The following SBF1 variants were observed in gnomAD, a reference collection of about 807,000 sequenced individuals.
SBF1 encodes myotubularin-related protein 5.
SBF1 carries 65 observed loss-of-function variants against 215.8 expected under a neutral mutation model. The ratio of observed to expected loss-of-function variants is 0.30; its 90% CI spans 0.25 to 0.37. The LOEUF (loss-of-function observed/expected upper bound fraction) is 0.37, where lower values mean the gene tolerates loss of function less well. SBF1 is among the 10% of genes least tolerant of loss of function. The probability of loss-of-function intolerance (pLI) is 1.00; values close to 1 mark genes in which losing one functional copy is unlikely to be tolerated. For synonymous variants in SBF1, 1,410 were observed against 1,122.8 expected (o/e 1.26, Z -5.11); for missense variants, 2,634 against 2,667.8 (o/e 0.99, Z 0.28).
intron 36 of SBF1, among the ~76,000 whole-genome samples, chr22:50,452,076 G>C (rs989765186): frequency 5.3e-5 from 8 of 151,200 alleles, no homozygotes; most frequent in Non-Finnish European, 1.5e-5. Context: ...GATGACAGGC[G>C]TGAGCCGCTG....
rs2067755475 is a variant in SBF1 at position 50,466,363 on chromosome 22, G to A, written c.775C>T (p.Pro259Ser). The A allele has an allele frequency of 6.4e-7, 1 of 1,564,822 alleles. No homozygotes were observed. The highest frequency in any genetic ancestry group is 8.7e-7 in the Non-Finnish European group (1 of 1,154,924). Residue 259 changes from proline (P) to serine (S), a missense_variant, in exon 7 of 41, where the codon CCT becomes TCT. Transcript: ENST00000380817. The part of the protein sequence containing the change: ...ACRGLLALLF[P>S]LRYSFTYVPI... ...GGCAGGGGTCACCTGTATCTGAGAGGAAACAGCAGTGCCAGGAGGCCCCTA... is the reference window on the plus strand; with the variant it reads ...GGCAGGGGTCACCTGTATCTGAGAGAAAACAGCAGTGCCAGGAGGCCCCTA...
intron 1 of SBF1, among the ~76,000 whole-genome samples, chr22:50,474,405 G>A (rs965379132): frequency 6.6e-6 from 1 of 152,226 alleles, no homozygotes; most frequent in Non-Finnish European, 1.5e-5. Flanking sequence ...GCCCGCAGCT[G>A]GCCAAGGAGA....
rs2066880734 is a variant in SBF1, at chr22:50,447,512, G to C, written c.5451+10C>G. ...CCCCCGTGAGTCCCCCCCACCACCTGATCACTCACCTGGTGCTTGGTCTTG... is the reference window on the plus strand; with the variant it reads ...CCCCCGTGAGTCCCCCCCACCACCTCATCACTCACCTGGTGCTTGGTCTTG... On this transcript the variant is annotated intron_variant, in intron 39 of 40. Coordinates refer to ENST00000380817, the MANE Select transcript of SBF1 (RefSeq NM_002972.4). 6.2e-7 allele frequency: 1 copy of C among 1,609,472 alleles called. No homozygotes were observed. The highest frequency in any genetic ancestry group is 8.5e-7 in the Non-Finnish European group (1 of 1,177,422).
rs41281541 is a variant in SBF1 at position 50,454,760 on chromosome 22, G to A, written c.4813-18C>T. On this transcript the variant is annotated intron_variant, in intron 35 of 40. Coordinates refer to ENST00000380817, the MANE Select transcript of SBF1 (RefSeq NM_002972.4). Reference sequence around the variant, plus strand: ...CGCAGGACCTGAGGGTGGGCCTGTGGTTGAGGACCTGGGTCGGGCAGGAGC... The same window carrying A: ...CGCAGGACCTGAGGGTGGGCCTGTGATTGAGGACCTGGGTCGGGCAGGAGC... The A allele has an allele frequency of 5.5e-3, 8,806 of 1,592,302 alleles. 33 individuals carry two copies. Among genetic ancestry groups the A allele is most frequent in the Non-Finnish European group, 6.9e-3 (8,101 of 1,171,996 alleles).
In SBF1 at chr22:50,460,641, C is replaced by A; in HGVS notation, c.3039G>T (p.Lys1013Asn). The A allele has an allele frequency of 6.2e-7, 1 of 1,614,094 alleles. No individual in the cohort carries two copies. The highest frequency in any genetic ancestry group is 8.5e-7 in the Non-Finnish European group (1 of 1,180,034). ...CCCTGATGTCCGGCGGGTACCGCAGCTTATGCAGCTGCTTACGGAAGAGCT... is the reference window on the plus strand; with the variant it reads ...CCCTGATGTCCGGCGGGTACCGCAGATTATGCAGCTGCTTACGGAAGAGCT... ...SAELFRKQLH[K>N]LRYPPDIRAT... Residue 1013 changes from lysine (K) to asparagine (N), a missense_variant, in exon 24 of 41, where the codon AAG (lysine) becomes AAT (asparagine). Transcript: ENST00000380817.
At chr22:50,466,556 T>C in intron 6 of SBF1, 49 bp downstream of exon 6, 1 of 1,529,154 alleles carries the variant, frequency 6.5e-7, no homozygotes. Context: ...CATCCCTAAC[T>C]ACCAGTCCCC....
intron 36 of SBF1, among the ~76,000 whole-genome samples, chr22:50,450,137 G>C (rs1286295326): frequency 6.6e-6 from 1 of 152,248 alleles, no homozygotes; most frequent in Non-Finnish European, 1.5e-5. Flanking sequence ...TAGAAATCTA[G>C]ACAGAGCCCT....
rs754619529 is a variant in SBF1, at chr22:50,456,125, C to G, written c.4266+91G>C. 1.7e-4 allele frequency: 231 copies of G among 1,365,494 alleles called. 1 individual carries two copies. Among genetic ancestry groups the G allele is most frequent in the Non-Finnish European group, 2.1e-4 (209 of 1,007,324 alleles). 84.6% of individuals were successfully genotyped at this position (1,365,494 alleles called of 1,614,324 possible). A position where few individuals can be genotyped will look rare whatever the true frequency, so the allele number is the denominator to read the frequency against. ...TCCTCCTTCCAGCGCTCCACACTGT[C>G]AGACAAGCAAACCTAGACCCGTCCA... On this transcript the variant is annotated intron_variant, in intron 31 of 40. Transcript: ENST00000380817.
chr22:50,454,942 GC>G lies in SBF1; in HGVS notation c.4683del (p.Leu1562CysfsTer25). 1 of 1,613,964 alleles carries G rather than the reference GC, an allele frequency of 6.2e-7. No individual in the cohort carries two copies. The highest frequency in any genetic ancestry group is 2.2e-5 in the East Asian group (1 of 44,888). On this transcript the variant is annotated frameshift_variant and splice_region_variant, in exon 35 of 41. Transcript: ENST00000380817. LOFTEE classifies it high-confidence loss of function. ...LDSDYERIEL[G>X]LLYEEKGERR... ...CGTTCCCCCTTCTCCTCATACAGCA[GC>G]CCTGCACAGAAGCAGCACTGAGCCT...
At chr22:50,457,342 C>G (rs1299301705) in intron 28 of SBF1, 1 of 430,926 alleles carries the variant, frequency 2.3e-6, no homozygotes, top group Non-Finnish European at 4.1e-6. Flanking sequence ...AAGGGCTATG[C>G]GGTGGGGATC....
chr22:50,447,460 G>A lies in SBF1; in HGVS notation c.5452-7C>T. 1 of 1,587,954 alleles carries A rather than the reference G, an allele frequency of 6.3e-7. No individual in the cohort carries two copies. The highest frequency in any genetic ancestry group is 8.6e-7 in the Non-Finnish European group (1 of 1,167,196). ...GGTGGTCGTAGTAGCGCAGCTGGAG[G>A]AGGCCACAGAGTCAGCGGAGCCCCC... On this transcript the variant is annotated splice_region_variant and splice_polypyrimidine_tract_variant and intron_variant, in intron 39 of 40. Transcript: ENST00000380817.
chr22:50,474,212 G>C (rs1194399201), intron 1 of SBF1, among the ~76,000 whole-genome samples: 1 of 152,200 alleles, frequency 6.6e-6, no homozygotes, highest in African/African-American at 2.4e-5. Context: ...CTCTACTCTC[G>C]ACGCTTCCTC....
In SBF1 at chr22:50,462,944, G is replaced by A. The variant is rs777641509; in HGVS notation, c.1900-6C>T. 20 of 1,610,966 alleles carry A rather than the reference G, an allele frequency of 1.2e-5. No individual in the cohort carries two copies. The highest frequency in any genetic ancestry group is 5.0e-5 in the Admixed American group (3 of 59,710). On this transcript the variant is annotated splice_region_variant and splice_polypyrimidine_tract_variant and intron_variant, in intron 16 of 40. Coordinates refer to ENST00000380817, the MANE Select transcript of SBF1 (RefSeq NM_002972.4). Reference sequence around the variant, plus strand: ...TCGTCCAGAGAAGTGCAGTCCTGCAGGTAGAGCGAGAGACCGTCAGGACCT... The same window carrying A: ...TCGTCCAGAGAAGTGCAGTCCTGCAAGTAGAGCGAGAGACCGTCAGGACCT...
At position 50,464,771 on chromosome 22, in the gene SBF1, C is replaced by T. The variant is rs756856019; in HGVS notation, c.1432-33G>A. The T allele has an allele frequency of 8.7e-6, 14 of 1,610,216 alleles. No homozygotes were observed. In the South Asian group the frequency reaches 1.4e-4, roughly 16 times the overall value. ...GAGACGGCAGGTGTGGGGCAGGGGC[C>T]CAGGGATCAAGGCGGTACGACGCCC... On this transcript the variant is annotated intron_variant, in intron 13 of 40. Coordinates refer to ENST00000380817, the MANE Select transcript of SBF1 (RefSeq NM_002972.4).
chr22:50,453,916 T>C (rs1301287726), intron 36 of SBF1, among the ~76,000 whole-genome samples: 1 of 152,028 alleles, frequency 6.6e-6, no homozygotes, highest in Non-Finnish European at 1.5e-5. Context: ...GACTCCGGGA[T>C]GGCCCCAAAA....
chr22:50,453,180 C>T (rs142382621), intron 36 of SBF1, among the ~76,000 whole-genome samples: 56 of 152,250 alleles, frequency 3.7e-4, no homozygotes, highest in Non-Finnish European at 7.5e-4. Context: ...TAAACATAAA[C>T]ACACAGACCA....
chr22:50,468,643 C>T (rs915325537), intron 1 of SBF1, among the ~76,000 whole-genome samples, 182 bp from the exon 2 acceptor site: 8 of 152,124 alleles, frequency 5.3e-5, no homozygotes, highest in South Asian at 4.1e-4. Context: ...CCCAGGGCCA[C>T]CTGAGGGTAG....
At position 50,462,281 on chromosome 22, in the gene SBF1, T is replaced by A. The variant is rs2067550689; in HGVS notation, c.2320A>T (p.Ser774Cys). ...CGCTCCCGAAGTAGGCGGCTCTTGC[T>A]GCTGTCCAGGGGCAGGAGGAGGTAG... ...MSYLLLPLDS[S>C]KSRLLRERAG... The change falls in exon 19 of 41, where the codon AGC (serine) becomes TGC (cysteine). Residue 774 changes from serine (S) to cysteine (C), a missense_variant. Transcript: ENST00000380817. 1 of 1,613,034 alleles carries A rather than the reference T, an allele frequency of 6.2e-7. No individual in the cohort carries two copies. The highest frequency in any genetic ancestry group is 8.5e-7 in the Non-Finnish European group (1 of 1,180,012).
chr22:50,461,489 G>T (rs1230873732), intron 22 of SBF1, 34 bp downstream of exon 22: 1 of 1,560,228 alleles, frequency 6.4e-7, no homozygotes, highest in Admixed American at 1.8e-5. Context: ...CTGGGGGAGA[G>T]GGGGCGACAG....
Sources: gnomAD v4.1 joint callset for allele counts (sites outside exome capture counted in the v4.1 genomes callset) on GRCh38, gnomAD v4.1.1 for gene constraint, MANE v1.5 for transcripts, NCBI Gene and HGNC (gene_info 2026-07-23, HGNC 2026-07-21) for gene names.